The following PSD3 variants were observed in gnomAD, a reference collection of about 807,000 sequenced individuals.
PSD3 encodes the protein pleckstrin and Sec7 domain containing 3.
Under a neutral mutation model 105.5 loss-of-function variants are expected in PSD3, and 49 were observed. That is an observed-to-expected ratio of 0.46 (90% CI 0.37 to 0.59). The LOEUF is 0.59. PSD3 is among the 20% of genes least tolerant of loss of function. The pLI, the probability that PSD3 is intolerant of heterozygous loss-of-function variation, is 0.00. For missense variants in PSD3, 1,561 were observed against 1,263.8 expected, an observed-to-expected ratio of 1.24 and a Z score of -3.57; for synonymous variants, 557 against 457.8, an observed-to-expected ratio of 1.22 and a Z score of -2.77.
At chr8:18,977,456 T>C (rs1018280383) in intron 1 of PSD3, among the ~76,000 whole-genome samples, 26 of 152,082 alleles carry the variant, frequency 1.7e-4, no homozygotes, top group African/African-American at 5.3e-4. Context: ...CCCTGGCATA[T>C]AGTCAGCAGC....
intron 9 of PSD3, among the ~76,000 whole-genome samples, chr8:18,718,050 C>G (rs1802712566): frequency 2.0e-5 from 3 of 152,148 alleles, no homozygotes; most frequent in African/African-American, 7.2e-5. Context: ...GTTTAACAGT[C>G]TTTCTTCAAG....
intron 9 of PSD3, among the ~76,000 whole-genome samples, chr8:18,661,433 C>T (rs1437710563): frequency 6.6e-6 from 1 of 152,186 alleles, no homozygotes; most frequent in Non-Finnish European, 1.5e-5. Context: ...GAAAAAGACA[C>T]TGGTTAAAAA....
At chr8:18,669,397 A>C (rs543548558) in intron 9 of PSD3, among the ~76,000 whole-genome samples, 121 of 152,346 alleles carry the variant, frequency 7.9e-4, no homozygotes, top group Non-Finnish European at 1.2e-3. Flanking sequence ...GAAAGAAATT[A>C]ACAATAACTA....
At chr8:18,722,506 C>A (rs1216514088) in intron 9 of PSD3, among the ~76,000 whole-genome samples, 1 of 152,174 alleles carries the variant, frequency 6.6e-6, no homozygotes, top group African/African-American at 2.4e-5. Flanking sequence ...GTAATCCACA[C>A]TAAGAATAAA....
intron 8 of PSD3, among the ~76,000 whole-genome samples, chr8:18,778,449 A>C (rs1467631553): frequency 6.6e-6 from 1 of 152,046 alleles, no homozygotes; most frequent in Non-Finnish European, 1.5e-5. Flanking sequence ...ACGTGGATGC[A>C]TTTCTTTTGC....
At chr8:18,799,769 T>C (rs1810520791) in intron 7 of PSD3, among the ~76,000 whole-genome samples, 1 of 152,138 alleles carries the variant, frequency 6.6e-6, no homozygotes, top group Non-Finnish European at 1.5e-5. Context: ...TAGGTTAAAG[T>C]CATATAAAAA....
chr8:18,718,363 T>A (rs1802734208), intron 9 of PSD3, among the ~76,000 whole-genome samples: 1 of 152,240 alleles, frequency 6.6e-6, no homozygotes. Flanking sequence ...AAAAGAAGAT[T>A]TGTAGCTTTA....
At chr8:18,985,113 T>C (rs189710156) in intron 1 of PSD3, among the ~76,000 whole-genome samples, 436 of 152,286 alleles carry the variant, frequency 2.9e-3, no homozygotes, top group African/African-American at 0.01. Context: ...TTTATATTTT[T>C]AGTGGAGATG....
At chr8:19,043,421 T>C (rs1488629808) in intron 1 of PSD3, among the ~76,000 whole-genome samples, 2 of 152,216 alleles carry the variant, frequency 1.3e-5, no homozygotes, top group Non-Finnish European at 2.9e-5. Flanking sequence ...CAATATCCCC[T>C]TGAACTTAAC....
At chr8:18,593,177 T>G (rs1247818904) in intron 12 of PSD3, among the ~76,000 whole-genome samples, 2 of 151,886 alleles carry the variant, frequency 1.3e-5, no homozygotes, top group African/African-American at 2.4e-5. Context: ...ACCATCAGAG[T>G]GAACACGCAA....
intron 2 of PSD3, among the ~76,000 whole-genome samples, chr8:18,879,035 CAAACACACACACACAA>C (rs1241940859): frequency 6.8e-6 from 1 of 146,286 alleles, no homozygotes; most frequent in African/African-American, 2.6e-5. Flanking sequence ...AACAAACAAA[CAAACACACACACACAA>C]ACACACACAC....
intron 9 of PSD3, among the ~76,000 whole-genome samples, chr8:18,750,003 A>C (rs558347904): frequency 2.0e-4 from 31 of 152,290 alleles, no homozygotes; most frequent in Non-Finnish European, 3.8e-4. Flanking sequence ...AAGTAGAAAA[A>C]CCAGCCAAGC....
chr8:18,818,885 G>C (rs1359429374), intron 4 of PSD3, among the ~76,000 whole-genome samples: 1 of 151,958 alleles, frequency 6.6e-6, no homozygotes, highest in African/African-American at 2.4e-5. Context: ...TGATAAATGG[G>C]GGCAGGTGGG....
chr8:19,015,286 T>G (rs1469529637), upstream of PSD3, among the ~76,000 whole-genome samples: 1 of 152,200 alleles, frequency 6.6e-6, no homozygotes. Flanking sequence ...ACGCCATGAT[T>G]GTGAGGCCTC....
intron 4 of PSD3, among the ~76,000 whole-genome samples, chr8:18,858,015 T>C (rs571672719): frequency 1.5e-4 from 23 of 152,314 alleles, no homozygotes; most frequent in Middle Eastern, 3.4e-3. Context: ...TTAGCATTCA[T>C]GAGAAACTTA....
chr8:18,624,172 TTTA>T (rs1336288844), intron 11 of PSD3, among the ~76,000 whole-genome samples: 1 of 152,100 alleles, frequency 6.6e-6, no homozygotes, highest in Non-Finnish European at 1.5e-5. Flanking sequence ...CATTTCCAAC[TTTA>T]TTATTGCCAA....
In PSD3 at chr8:18,872,287, T is replaced by G; in HGVS notation, c.577A>C (p.Asn193His). Residue 193 changes from asparagine (N) to histidine (H), a missense_variant, in exon 3 of 16, where the codon AAT becomes CAT. Asn to His is a moderately conservative substitution (Grantham distance 68, BLOSUM62 1). Transcript: ENST00000327040. The stretch of plus-strand genomic sequence containing the variant: ...GCTGAAAGAGGTATTTCTGGTAAAT[T>G]TTTTTGGCCAGCAGGGAGCGTTTTG... ...VNKTLPAGQK[N>H]LPEIPLSAEV... The G allele has an allele frequency of 6.2e-7, 1 of 1,614,190 alleles. No homozygotes were observed. The highest frequency in any genetic ancestry group is 8.5e-7 in the Non-Finnish European group (1 of 1,180,022).
chr8:18,826,468 C>G (rs753933685), intron 4 of PSD3, among the ~76,000 whole-genome samples: 2 of 152,322 alleles, frequency 1.3e-5, no homozygotes, highest in African/African-American at 2.4e-5. Flanking sequence ...CTATATGGCT[C>G]ATCAAACAGC....
chr8:18,980,676 C>T (rs1020365409), intron 1 of PSD3, among the ~76,000 whole-genome samples: 1 of 152,108 alleles, frequency 6.6e-6, no homozygotes, highest in South Asian at 2.1e-4. Flanking sequence ...TCCACACACG[C>T]TCAAGTTTAG....
Sources: allele counts gnomAD v4.1 joint callset (sites outside exome capture counted in the v4.1 genomes callset), GRCh38; gene constraint gnomAD v4.1.1; transcripts MANE v1.5; gene names NCBI Gene and HGNC (gene_info 2026-07-23, HGNC 2026-07-21).